ERI1: variants seen among roughly 807,000 people sequenced by gnomAD.
ERI1 encodes the protein exoribonuclease 1.
Under a neutral mutation model 39.7 loss-of-function variants are expected in ERI1, and 39 were observed. The ratio of observed to expected loss-of-function variants is 0.98; its 90% CI spans 0.76 to 1.28. ERI1 has a LOEUF of 1.28. Among genes scored for constraint, ERI1 ranks in the 50% most tolerant of loss-of-function variants. The pLI is 0.00. For synonymous variants in ERI1, 204 were observed against 149.6 expected (o/e 1.36, Z -2.65); for missense variants, 581 against 416.9 (o/e 1.39, Z -3.43).
At chr8:9,079,531 A>G (rs1799308860) in intron 3 of ERI1, among the ~76,000 whole-genome samples, 1 of 152,268 alleles carries the variant, frequency 6.6e-6, no homozygotes, top group African/African-American at 2.4e-5. Flanking sequence ...AGCTTGCTAA[A>G]GTTCAAATGA....
intron 5 of ERI1, among the ~76,000 whole-genome samples, chr8:9,019,682 T>A (rs533011617): frequency 1.3e-5 from 2 of 152,338 alleles, no homozygotes; most frequent in South Asian, 4.1e-4. Context: ...GACATACACT[T>A]ATTTTTAATT....
rs1361965059 is a variant in ERI1 at position 9,018,313 on chromosome 8, C to G, written c.599C>G (p.Ala200Gly). 4 of 1,610,100 alleles carry G rather than the reference C, an allele frequency of 2.5e-6. No homozygotes were observed. The highest frequency in any genetic ancestry group is 1.3e-5 in the African/African-American group (1 of 74,750). ...TATCCTCAGGATCAGGTAGACAGAG[C>G]TGATACCTTCCCTCAGGTACTAAAA... ...TGITQDQVDRADTFPQVLKKV... is the reference protein window; with the variant it reads ...TGITQDQVDRGDTFPQVLKKV... The change falls in exon 5 of 7, where the codon GCT becomes GGT. Residue 200 changes from alanine to glycine, a missense_variant. Transcript: ENST00000250263.
chr8:9,039,249 C>G (rs1295290076), intron 3 of ERI1, among the ~76,000 whole-genome samples: 1 of 152,174 alleles, frequency 6.6e-6, no homozygotes, highest in East Asian at 1.9e-4. Context: ...ATATAATACT[C>G]TTGGCACAGT....
At chr8:9,078,308 C>T (rs1799269324) in intron 3 of ERI1, among the ~76,000 whole-genome samples, 1 of 151,754 alleles carries the variant, frequency 6.6e-6, no homozygotes, top group South Asian at 2.1e-4. Flanking sequence ...TGTGTTTTTT[C>T]TAATTAGGTA....
chr8:9,057,475 T>C (rs1009656114), intron 3 of ERI1, among the ~76,000 whole-genome samples: 1 of 152,220 alleles, frequency 6.6e-6, no homozygotes, highest in Non-Finnish European at 1.5e-5. Flanking sequence ...CAATCACTTT[T>C]GCGGTCCAAG....
At chr8:9,051,932 G>C (rs889809761) in intron 3 of ERI1, among the ~76,000 whole-genome samples, 1 of 152,228 alleles carries the variant, frequency 6.6e-6, no homozygotes, top group African/African-American at 2.4e-5. Flanking sequence ...AGTGAGTATG[G>C]TGTAAGGATT....
chr8:9,043,101 A>G (rs1798075240), intron 3 of ERI1, among the ~76,000 whole-genome samples: 1 of 152,242 alleles, frequency 6.6e-6, no homozygotes, highest in Admixed American at 6.5e-5. Flanking sequence ...CCTTGGAACC[A>G]TGCTTGACTG....
chr8:9,063,541 G>A (rs1798773088), intron 3 of ERI1, among the ~76,000 whole-genome samples: 1 of 152,266 alleles, frequency 6.6e-6, no homozygotes, highest in Middle Eastern at 3.4e-3. Flanking sequence ...GAGGTCAGAT[G>A]GGTCTGTAGA....
chr8:9,035,477 C>T (rs75881323), downstream of ERI1, among the ~76,000 whole-genome samples: 1,272 of 152,198 alleles, frequency 8.4e-3, 19 homozygotes, highest in African/African-American at 0.029. Flanking sequence ...ATAAAGGGAA[C>T]GGCAAAGCCT....
In ERI1 at chr8:9,077,207, C is replaced by G. The variant is rs1001565708; in HGVS notation, n.300-39141C>G. On this transcript the variant is annotated intron_variant and non_coding_transcript_variant, in intron 3 of 3. Coordinates refer to the ERI1 transcript ENST00000518663. ...CAGATTAATAATTTTCTCATGTTCT[C>G]CAGTTCTTAAATGTGACATGCATTT... Among the ~76,000 whole-genome samples the G allele has an allele frequency of 5.9e-5, 9 of 152,200 alleles. No individual in the cohort carries two copies. The East Asian group carries it at 1.5e-3, about 26-fold the overall frequency.
rs528929569 is a variant in ERI1, at chr8:9,013,882, A to C, written c.498+2130A>C. Reference sequence around the variant, plus strand: ...TGCCTTCAAAATATATCCAGAACCCAGTCACTTAACTGAACTGCTGTGACT... The same window carrying C: ...TGCCTTCAAAATATATCCAGAACCCCGTCACTTAACTGAACTGCTGTGACT... On this transcript the variant is annotated intron_variant, in intron 3 of 6. Transcript: ENST00000250263. 2.0e-5 allele frequency among the ~76,000 whole-genome samples: 3 copies of C among 152,288 alleles called. No individual in the cohort carries two copies. The South Asian group carries it at 6.2e-4, about 32-fold the overall frequency.
intron 3 of ERI1, among the ~76,000 whole-genome samples, chr8:9,054,449 T>G (rs1395058275): frequency 1.3e-5 from 2 of 152,198 alleles, no homozygotes; most frequent in Non-Finnish European, 2.9e-5. Flanking sequence ...GGATGATCCC[T>G]TTCCTCCCCA....
At chr8:9,036,526 CTA>C (rs1258835292), downstream of ERI1, among the ~76,000 whole-genome samples, 1 of 152,186 alleles carries the variant, frequency 6.6e-6, no homozygotes, top group Non-Finnish European at 1.5e-5. Context: ...ACTTCATAGA[CTA>C]TTGTTTAAAT....
At chr8:9,060,948 C>G (rs994108581) in intron 3 of ERI1, among the ~76,000 whole-genome samples, 2 of 152,178 alleles carry the variant, frequency 1.3e-5, no homozygotes, top group African/African-American at 4.8e-5. Flanking sequence ...AGTGAGGAAA[C>G]CTCTTTCAGC....
intron 3 of ERI1, among the ~76,000 whole-genome samples, chr8:9,088,886 G>A (rs1799615753): frequency 1.3e-5 from 2 of 152,178 alleles, no homozygotes; most frequent in Non-Finnish European, 1.5e-5. Context: ...TCCCTGACCA[G>A]GTCATGCGGG....
At chr8:9,036,842 C>T (rs997138317), downstream of ERI1, among the ~76,000 whole-genome samples, 2 of 152,110 alleles carry the variant, frequency 1.3e-5, no homozygotes, top group Admixed American at 6.6e-5. Flanking sequence ...TCTTGCTTGC[C>T]GACTCTGCAC....
At chr8:9,019,274 G>T (rs953746469) in intron 5 of ERI1, among the ~76,000 whole-genome samples, 20 of 152,176 alleles carry the variant, frequency 1.3e-4, no homozygotes, top group African/African-American at 4.3e-4. Flanking sequence ...AACTGTGCAG[G>T]TTATCCTCTA....
chr8:9,019,846 C>G (rs944438806), intron 5 of ERI1, among the ~76,000 whole-genome samples: 1 of 152,134 alleles, frequency 6.6e-6, no homozygotes, highest in Non-Finnish European at 1.5e-5. Flanking sequence ...AGAAAAACCA[C>G]GTAGGAACCA....
chr8:9,020,945 T>C (rs1817822426), intron 6 of ERI1, among the ~76,000 whole-genome samples: 1 of 152,222 alleles, frequency 6.6e-6, no homozygotes, highest in Non-Finnish European at 1.5e-5. Context: ...TTTCAAATAT[T>C]TACCTTTGTA....
Sources: gnomAD v4.1 joint callset for allele counts (sites outside exome capture counted in the v4.1 genomes callset) on GRCh38, gnomAD v4.1.1 for gene constraint, MANE v1.5 for transcripts, NCBI Gene and HGNC (gene_info 2026-07-23, HGNC 2026-07-21) for gene names.